The following FBN1 variants were observed in gnomAD, a reference collection of about 807,000 sequenced individuals.
FBN1 encodes fibrillin 1.
Under a neutral mutation model 365.1 loss-of-function variants are expected in FBN1, and 29 were observed. That is an observed-to-expected ratio of 0.08 (90% confidence interval 0.06 to 0.11). FBN1 has a LOEUF of 0.11. Ranked by LOEUF, FBN1 falls within the 10% of genes least tolerant of loss-of-function variation. The pLI, the probability that FBN1 is intolerant of heterozygous loss-of-function variation, is 1.00. For missense variants in FBN1, 2,476 were observed against 3,703.2 expected, an observed-to-expected ratio of 0.67 and a Z score of 8.60; for synonymous variants, 1,210 against 1,270.5, an observed-to-expected ratio of 0.95 and a Z score of 1.01.
chr15:48,606,954 T>C (rs963935471), intron 4 of FBN1, among the ~76,000 whole-genome samples: 6 of 152,190 alleles, frequency 3.9e-5, no homozygotes, highest in African/African-American at 1.4e-4. Context: ...CCATTTTCTG[T>C]CTGTCTCTCA....
In FBN1 at chr15:48,479,154, C is replaced by T. The variant is rs147390896; in HGVS notation, c.3964+2501G>A. 9.8e-3 allele frequency among the ~76,000 whole-genome samples: 1,485 copies of T among 152,274 alleles called. 25 individuals carry two copies. The highest frequency in any genetic ancestry group is 0.034 in the African/African-American group (1,407 of 41,554). On this transcript the variant is annotated intron_variant, in intron 32 of 65. Coordinates refer to ENST00000316623, the MANE Select transcript of FBN1 (RefSeq NM_000138.5). ...CAAAGCCATCACCAAGGTAACCTGA[C>T]GGTGTTCTAAGTTGTGAATGACACG...
chr15:48,534,502 G>A (rs1013314064), intron 7 of FBN1, among the ~76,000 whole-genome samples: 3 of 152,142 alleles, frequency 2.0e-5, no homozygotes, highest in African/African-American at 7.2e-5. Context: ...TAGCACATAT[G>A]CAGCAAAGTA....
chr15:48,520,915 T>C, intron 9 of FBN1, 98 bp from the exon 10 acceptor site: 1 of 1,515,098 alleles, frequency 6.6e-7, no homozygotes, highest in Non-Finnish European at 9.1e-7. Flanking sequence ...ACACTGGGGC[T>C]ACGGCAGGAT....
chr15:48,416,080 G>A (rs959158704), intron 63 of FBN1, among the ~76,000 whole-genome samples: 1 of 152,178 alleles, frequency 6.6e-6, no homozygotes, highest in African/African-American at 2.4e-5. Context: ...GTCAACACTG[G>A]TATCTTCTGC....
chr15:48,586,533 C>T (rs2140696211), intron 6 of FBN1, among the ~76,000 whole-genome samples: 1 of 152,276 alleles, frequency 6.6e-6, no homozygotes, highest in East Asian at 1.9e-4. Context: ...ATGGCATGCA[C>T]ACTGACCACA....
At position 48,495,477 on chromosome 15, in the gene FBN1, A is replaced by G. The variant is rs751564716; in HGVS notation, c.2531T>C (p.Ile844Thr). Residue 844 changes from isoleucine (I) to threonine (T), a missense_variant, in exon 21 of 66, where the codon ATC (isoleucine) becomes ACC (threonine). Around this residue, in one of 5 missense-constraint regions of FBN1, gnomAD observed 1,780 missense variants for 2,840.8 expected, o/e 0.63. Coordinates refer to ENST00000316623, the MANE Select transcript of FBN1 (RefSeq NM_000138.5). ...CTCAGAAAGATAAATACCTATGCAG[A>G]TGGTTTTTGTTGGATCCAAAGTACT... ...SESTLDPTKT[I>T]CIETIKGTCW... is the part of the protein sequence containing the mutation. 1.2e-5 allele frequency: 19 copies of G among 1,613,938 alleles called. No homozygotes were observed. The highest frequency in any genetic ancestry group is 6.7e-5 in the East Asian group (3 of 44,862).
intron 6 of FBN1, among the ~76,000 whole-genome samples, chr15:48,552,158 C>G (rs2044147085): frequency 6.6e-6 from 1 of 152,140 alleles, no homozygotes; most frequent in Non-Finnish European, 1.5e-5. Flanking sequence ...ACAACCTCTG[C>G]AGCATCTGTT....
Position 48,496,108 on chromosome 15 carries a change from G to A in FBN1, c.2411C>T (p.Thr804Ile), listed in dbSNP as rs1220678313. ...KGFIYKPDLK[T>I]CEDIDECESS... ...ACAAAAATATGGTTTACCTTCACAT[G>A]TTTTTAGATCAGGTTTGTAGATAAA... Residue 804 changes from threonine (T) to isoleucine (I), a missense_variant, in exon 20 of 66, where the codon ACA becomes ATA. Around this residue, in one of 5 missense-constraint regions of FBN1, gnomAD observed 1,780 missense variants for 2,840.8 expected, o/e 0.63. Transcript: ENST00000316623. The A allele has an allele frequency of 1.2e-6, 2 of 1,613,734 alleles. No homozygotes were observed. The highest frequency in any genetic ancestry group is 1.7e-5 in the Admixed American group (1 of 60,022).
chr15:48,510,230 T>G (rs1457972819), intron 13 of FBN1, 61 bp from the exon 14 acceptor site: 1 of 1,550,382 alleles, frequency 6.5e-7, no homozygotes, highest in Non-Finnish European at 8.9e-7. Context: ...ATTATTTTAT[T>G]TCCCCCTCCC....
At chr15:48,464,551 A>G (rs1267667690) in intron 40 of FBN1, among the ~76,000 whole-genome samples, 1 of 152,094 alleles carries the variant, frequency 6.6e-6, no homozygotes, top group Non-Finnish European at 1.5e-5. Context: ...CAAAAAAGAA[A>G]AGGAACTCTT....
chr15:48,506,358 T>C (rs2043707795), intron 15 of FBN1, among the ~76,000 whole-genome samples: 3 of 152,216 alleles, frequency 2.0e-5, no homozygotes, highest in Admixed American at 1.3e-4. Context: ...ACCTTCGTGT[T>C]TTACTTAGCT....
At chr15:48,589,962 A>G (rs1408214677) in intron 6 of FBN1, among the ~76,000 whole-genome samples, 1 of 152,176 alleles carries the variant, frequency 6.6e-6, no homozygotes, top group East Asian at 1.9e-4. Flanking sequence ...AGAGGTTCAT[A>G]GAGGCCTTCA....
At chr15:48,424,510 T>C (rs1252706933) in intron 60 of FBN1, among the ~76,000 whole-genome samples, 1 of 152,206 alleles carries the variant, frequency 6.6e-6, no homozygotes, top group Non-Finnish European at 1.5e-5. Flanking sequence ...TAGTTATATA[T>C]ACCAAGTAAG....
chr15:48,428,191 G>T, intron 57 of FBN1, 155 bp downstream of exon 57: 1 of 939,996 alleles, frequency 1.1e-6, no homozygotes, highest in Non-Finnish European at 1.7e-6. Flanking sequence ...GAGCCCAATG[G>T]ACAATCACAG....
At chr15:48,500,091 C>T (rs2043641859) in intron 17 of FBN1, among the ~76,000 whole-genome samples, 1 of 152,182 alleles carries the variant, frequency 6.6e-6, no homozygotes, top group Admixed American at 6.5e-5. Flanking sequence ...TTCAAACCAT[C>T]TTAGAAGGGG....
intron 60 of FBN1, among the ~76,000 whole-genome samples, chr15:48,424,139 A>G (rs561500650): frequency 1.5e-4 from 23 of 152,318 alleles, no homozygotes; most frequent in African/African-American, 5.5e-4. Flanking sequence ...CCCCAGATGT[A>G]AAATAAGTTC....
At chr15:48,559,384 G>A (rs1052082278) in intron 6 of FBN1, among the ~76,000 whole-genome samples, 3 of 152,132 alleles carry the variant, frequency 2.0e-5, no homozygotes, top group South Asian at 2.1e-4. Context: ...GAAGTCTGGC[G>A]GGTGGAGGCT....
chr15:48,445,167 TAC>T (rs769085069), intron 48 of FBN1, among the ~76,000 whole-genome samples: 59 of 140,474 alleles, frequency 4.2e-4, no homozygotes, highest in Non-Finnish European at 6.8e-4. Flanking sequence ...CATATATATA[TAC>T]ACACATATAT....
Position 48,468,469 on chromosome 15 carries a change from A to G in FBN1, c.4525T>C (p.Tyr1509His). 6.2e-7 allele frequency: 1 copy of G among 1,614,138 alleles called. No homozygotes were observed. The highest frequency in any genetic ancestry group is 8.5e-7 in the Non-Finnish European group (1 of 1,179,974). ...AAATCAGGTGGGCAGTCACAGATAT[A>G]GCTGCCTGGAGTGTTGACACAGTTC... ...SGNCVNTPGSYICDCPPDFEL... is the reference protein window; with the variant it reads ...SGNCVNTPGSHICDCPPDFEL... Residue 1509 changes from tyrosine (Y) to histidine (H), a missense_variant, in exon 37 of 66, where the codon TAT becomes CAT. This residue lies in a region of FBN1 where 1,780 missense variants were observed against 2,840.8 expected (regional missense o/e 0.63). Coordinates refer to ENST00000316623, the MANE Select transcript of FBN1 (RefSeq NM_000138.5).
Sources: allele counts gnomAD v4.1 joint callset (sites outside exome capture counted in the v4.1 genomes callset), GRCh38; gene constraint gnomAD v4.1.1; regional missense constraint gnomAD v4.1.1; transcripts MANE v1.5; gene names NCBI Gene and HGNC (gene_info 2026-07-23, HGNC 2026-07-21).